Variants in KMT2C observed in about 807,000 individuals in gnomAD.
KMT2C encodes histone-lysine N-methyltransferase 2C.
Under a neutral mutation model 507.9 loss-of-function variants are expected in KMT2C, and 88 were observed. That is an observed-to-expected ratio of 0.17 (90% CI 0.15 to 0.21). KMT2C has a LOEUF of 0.21. KMT2C is among the 10% of genes least tolerant of loss of function. The pLI is 1.00. For missense variants in KMT2C, 4,954 were observed against 5,957.8 expected (o/e 0.83, Z 5.55); for synonymous variants, 2,049 against 2,080.8 (o/e 0.98, Z 0.42).
rs567529073 is a variant in KMT2C at position 152,163,514 on chromosome 7, T to C, written c.10063A>G (p.Ile3355Val). The C allele has an allele frequency of 2.6e-5, 42 of 1,613,320 alleles. No individual in the cohort carries two copies. In the East Asian group the frequency reaches 5.3e-4, roughly 21 times the overall value. The change falls in exon 43 of 59, where the codon ATT becomes GTT. Residue 3355 changes from isoleucine (I) to valine (V), a missense_variant. Physicochemically the swap from Ile to Val is conservative, Grantham distance 29. Coordinates refer to ENST00000262189, the MANE Select transcript of KMT2C (RefSeq NM_170606.3). ...CAAGTTTTTATTGGTAACTGGGCAA[T>C]TGGGGGCTGAATTCTAGGAGGATTG... ...PLNPPRIQPPIAQLPIKTCTP... is the reference protein window; with the variant it reads ...PLNPPRIQPPVAQLPIKTCTP...
In KMT2C at chr7:152,177,581, A is replaced by C. The variant is rs2129115039; in HGVS notation, c.7872T>G (p.Asp2624Glu). Residue 2624 changes from aspartate to glutamate, a missense_variant, in exon 38 of 59, where the codon GAT becomes GAG. Asp to Glu is a conservative substitution (Grantham distance 45). Coordinates refer to ENST00000262189, the MANE Select transcript of KMT2C (RefSeq NM_170606.3). ...GLPNQLPVHP[D>E]LEQVPPSQQE... is the part of the protein sequence containing the mutation. ...GTTGAGATGGTGGCACTTGTTCCAAATCTGGGTGCACAGGTAGCTGATTAG... is the reference window on the plus strand; with the variant it reads ...GTTGAGATGGTGGCACTTGTTCCAACTCTGGGTGCACAGGTAGCTGATTAG... 1.2e-6 allele frequency: 2 copies of C among 1,614,146 alleles called. No individual in the cohort carries two copies. Among genetic ancestry groups the C allele is most frequent in the Non-Finnish European group, 1.7e-6 (2 of 1,180,016 alleles).
At chr7:152,268,333 T>A (rs749290085) in intron 7 of KMT2C, among the ~76,000 whole-genome samples, 2 of 152,188 alleles carry the variant, frequency 1.3e-5, no homozygotes, top group East Asian at 1.9e-4. Flanking sequence ...CCCAAATACC[T>A]TTAGTTGTTG....
At chr7:152,201,617 G>GAAAAAAAA (rs745427209) in intron 26 of KMT2C, among the ~76,000 whole-genome samples, 1 of 22,874 alleles carries the variant, frequency 4.4e-5, no homozygotes, top group Non-Finnish European at 1.9e-4. Context: ...CAACAAAGAT[G>GAAAAAAAA]AAAAAAAAAA....
intron 1 of KMT2C, among the ~76,000 whole-genome samples, chr7:152,398,680 G>GT (rs1441987471): frequency 6.6e-6 from 1 of 151,824 alleles, no homozygotes; most frequent in Admixed American, 6.6e-5. Flanking sequence ...GATTATAAGC[G>GT]TGAGCCCCCT....
At position 152,162,489 on chromosome 7, in the gene KMT2C, T is replaced by C. The variant is rs1452372338; in HGVS notation, c.11088A>G (p.Gln3696=). ...NSDFSQATPN[Q]QTYANSEVDK... is the part of the protein sequence containing the mutation. ...CTACTTCTGAATTTGCATACGTCTG[T>C]TGATTTGGAGTTGCTTGTGAGAAAT... Residue 3696 remains glutamine (Q), a synonymous_variant, in exon 43 of 59, where the codon CAA becomes CAG. Coordinates refer to ENST00000262189, the MANE Select transcript of KMT2C (RefSeq NM_170606.3). 6 of 1,614,138 alleles carry C rather than the reference T, an allele frequency of 3.7e-6. No homozygotes were observed. The African/African-American group carries it at 6.7e-5, about 18-fold the overall frequency.
intron 1 of KMT2C, among the ~76,000 whole-genome samples, chr7:152,401,233 T>C (rs1468344227): frequency 1.3e-5 from 2 of 151,784 alleles, no homozygotes; most frequent in Non-Finnish European, 1.5e-5. Flanking sequence ...ATAACAGGCA[T>C]ACGCCACCAC....
intron 3 of KMT2C, among the ~76,000 whole-genome samples, chr7:152,316,459 T>C (rs1344596860): frequency 6.6e-6 from 1 of 152,146 alleles, no homozygotes; most frequent in Non-Finnish European, 1.5e-5. Context: ...AATATACATA[T>C]ATAGAATATA....
intron 23 of KMT2C, among the ~76,000 whole-genome samples, chr7:152,211,696 T>G (rs542745111): frequency 5.9e-5 from 9 of 152,126 alleles, no homozygotes; most frequent in Non-Finnish European, 1.3e-4. Context: ...TAGGCTAAAG[T>G]CTCTTCTAAC....
Position 152,177,124 on chromosome 7 carries a change from G to A in KMT2C, c.8329C>T (p.Leu2777=), listed in dbSNP as rs751132113. The part of the protein sequence containing the change: ...GDKKSMFNEE[L]DLPIDDKLDN... ...AACTTATCATCAATTGGAAGGTCTA[G>A]TTCCTCATTAAACATGCTTTTCTTA... Residue 2777 remains leucine, a synonymous_variant, in exon 38 of 59, where the codon CTA becomes TTA. Transcript: ENST00000262189. 4 of 1,613,034 alleles carry A rather than the reference G, an allele frequency of 2.5e-6. No homozygotes were observed. The African/African-American group carries it at 4.0e-5, about 16-fold the overall frequency.
At chr7:152,195,200 C>T (rs1451146604) in intron 28 of KMT2C, among the ~76,000 whole-genome samples, 1 of 151,806 alleles carries the variant, frequency 6.6e-6, no homozygotes, top group East Asian at 1.9e-4. Context: ...AATATTATTA[C>T]TATTAAAAAG....
chr7:152,341,785 T>C (rs941465975), intron 2 of KMT2C, among the ~76,000 whole-genome samples: 1 of 152,212 alleles, frequency 6.6e-6, no homozygotes, highest in East Asian at 1.9e-4. Context: ...TAAAGTTAAA[T>C]TGTTAGGCCA....
intron 1 of KMT2C, among the ~76,000 whole-genome samples, chr7:152,426,591 A>G (rs1336531315): frequency 6.6e-6 from 1 of 152,136 alleles, no homozygotes; most frequent in Non-Finnish European, 1.5e-5. Context: ...CTGTCTCTAA[A>G]TAGTTTATAA....
chr7:152,182,943 T>TC (rs770795902), intron 35 of KMT2C, 31 bp downstream of exon 35: 1 of 1,513,674 alleles, frequency 6.6e-7, no homozygotes, highest in African/African-American at 1.4e-5. Context: ...AAATGCAACT[T>TC]CAAAAAGTAG....
intron 16 of KMT2C, among the ~76,000 whole-genome samples, chr7:152,235,133 T>C (rs182267377): frequency 2.3e-3 from 345 of 151,166 alleles, no homozygotes; most frequent in Middle Eastern, 0.01. Flanking sequence ...ATGCAGAAAA[T>C]TACAGAGGGG....
rs1336073757 is a variant in KMT2C, at chr7:152,180,013, T to C, written c.7263A>G (p.Gln2421=). ...GGTTAACATTCTCTGGTTGCCAGTG[T>C]TGAAGAGGCCCTGGATGAGGCACTG... The part of the protein sequence containing the change: ...SPAVPHPGPL[Q]HWQPENVNQA... The change falls in exon 37 of 59, where the codon CAA becomes CAG. Residue 2421 remains glutamine, a synonymous_variant. Transcript: ENST00000262189. 5 of 1,614,078 alleles carry C rather than the reference T, an allele frequency of 3.1e-6. No homozygotes were observed. The African/African-American group carries it at 4.0e-5, about 13-fold the overall frequency.
chr7:152,290,258 G>GTGTGTGTGTATATATATATA (rs1337492088), intron 6 of KMT2C, among the ~76,000 whole-genome samples: 7 of 26,264 alleles, frequency 2.7e-4, no homozygotes, highest in African/African-American at 9.8e-4. Context: ...GTGTGTATGT[G>GTGTGTGTGTATATATATATA]TATATATATA....
intron 1 of KMT2C, among the ~76,000 whole-genome samples, chr7:152,407,671 C>CAA (rs11440446): frequency 2.0e-3 from 274 of 135,122 alleles, no homozygotes; most frequent in East Asian, 2.4e-3. Context: ...GACTCTGTCT[C>CAA]AAAAAAAAAA....
chr7:152,189,704 G>A (rs1231064877), intron 31 of KMT2C, among the ~76,000 whole-genome samples: 2 of 152,242 alleles, frequency 1.3e-5, no homozygotes, highest in Non-Finnish European at 2.9e-5. Context: ...TTTCACAAAC[G>A]GGCTTACCCT....
intron 1 of KMT2C, among the ~76,000 whole-genome samples, chr7:152,392,234 G>A (rs1326602227): frequency 6.6e-6 from 1 of 151,968 alleles, no homozygotes; most frequent in African/African-American, 2.4e-5. Context: ...CCTCTCACAG[G>A]ACCAAGAATT....
Sources: gnomAD v4.1 joint callset for allele counts (sites outside exome capture counted in the v4.1 genomes callset) on GRCh38, gnomAD v4.1.1 for gene constraint, MANE v1.5 for transcripts, NCBI Gene and HGNC (gene_info 2026-07-23, HGNC 2026-07-21) for gene names.